PDGFD: variants seen among roughly 807,000 people sequenced by gnomAD.
PDGFD encodes the protein platelet-derived growth factor D.
PDGFD carries 30 observed loss-of-function variants against 44.7 expected under a neutral mutation model. That is an observed-to-expected ratio of 0.67 (90% CI 0.50 to 0.91). The LOEUF is 0.91. PDGFD is among the 40% of genes least tolerant of loss of function. PDGFD has a pLI of 0.00. For missense variants in PDGFD, 445 were observed against 457.8 expected (o/e 0.97, Z 0.25); for synonymous variants, 173 against 168.4 (o/e 1.03, Z -0.21).
chr11:103,949,585 C>A (rs1346372508), intron 3 of PDGFD, among the ~76,000 whole-genome samples: 1 of 152,188 alleles, frequency 6.6e-6, no homozygotes, highest in Non-Finnish European at 1.5e-5. Context: ...CCTCACATTA[C>A]AGAATTTTCA....
rs76058243 is a variant in PDGFD, at chr11:104,029,963, C to CTTT, written c.125-29709_125-29708insAAA. On this transcript the variant is annotated intron_variant, in intron 1 of 6. Transcript: ENST00000393158. ...GTCCAAAAAGCTCAAAAATCTTAAACGTTTTGAGCTCCAACATGATGACAC... is the reference window on the plus strand; with the variant it reads ...GTCCAAAAAGCTCAAAAATCTTAAACTTTGTTTTGAGCTCCAACATGATGACAC... Among the ~76,000 whole-genome samples, 56 of 152,216 alleles carry CTTT rather than the reference C, an allele frequency of 3.7e-4. No individual in the cohort carries two copies. The East Asian group carries it at 6.8e-3, about 18-fold the overall frequency.
At chr11:104,095,804 G>C (rs1861276816) in intron 1 of PDGFD, among the ~76,000 whole-genome samples, 1 of 152,096 alleles carries the variant, frequency 6.6e-6, no homozygotes, top group African/African-American at 2.4e-5. Context: ...CTCCAATCCT[G>C]AGAAGGATGC....
intron 1 of PDGFD, among the ~76,000 whole-genome samples, chr11:104,108,533 T>C (rs1861501507): frequency 6.6e-6 from 1 of 152,082 alleles, no homozygotes; most frequent in Non-Finnish European, 1.5e-5. Context: ...ATGGCAATCA[T>C]TAAAAAGTCA....
chr11:103,921,562 G>A (rs1308634441), intron 6 of PDGFD, among the ~76,000 whole-genome samples: 1 of 149,832 alleles, frequency 6.7e-6, no homozygotes, highest in East Asian at 2.0e-4. Context: ...AATATTTTAA[G>A]TTGAAAATGC....
intron 6 of PDGFD, 21 bp downstream of exon 6, chr11:103,926,891 A>G (rs1490316933): frequency 5.6e-6 from 9 of 1,603,078 alleles, no homozygotes; most frequent in South Asian, 1.1e-5. Flanking sequence ...CATTGCAACA[A>G]GAAATCTAAG....
intron 3 of PDGFD, among the ~76,000 whole-genome samples, chr11:103,950,416 T>TAA (rs1555036609): frequency 7.1e-6 from 1 of 140,252 alleles, no homozygotes; most frequent in Non-Finnish European, 1.5e-5. Flanking sequence ...AAAAAAAAAT[T>TAA]AGCCAGGTGT....
At chr11:104,070,198 TC>T (rs1462096158) in intron 1 of PDGFD, among the ~76,000 whole-genome samples, 1 of 152,184 alleles carries the variant, frequency 6.6e-6, no homozygotes, top group East Asian at 1.9e-4. Context: ...GGTCATTTTA[TC>T]AGAGAACGGT....
chr11:103,967,041 C>T (rs558858621), intron 3 of PDGFD, among the ~76,000 whole-genome samples: 3 of 152,292 alleles, frequency 2.0e-5, no homozygotes, highest in Admixed American at 6.5e-5. Context: ...TATTTTTAGT[C>T]TAATACTTTC....
chr11:104,041,535 A>T (rs1192458875), intron 1 of PDGFD, among the ~76,000 whole-genome samples: 1 of 152,112 alleles, frequency 6.6e-6, no homozygotes, highest in Non-Finnish European at 1.5e-5. Context: ...TTTCCTACTA[A>T]AAATGAGGAT....
chr11:104,034,619 A>G (rs1400465573), intron 1 of PDGFD, among the ~76,000 whole-genome samples: 1 of 151,672 alleles, frequency 6.6e-6, no homozygotes, highest in African/African-American at 2.4e-5. Context: ...AGCCAGGGAA[A>G]CATGAGCTCT....
At position 104,119,157 on chromosome 11, in the gene PDGFD, GATATAACATATAATATATTA is replaced by G. The variant is rs1565340575; in HGVS notation, c.124+44627_124+44646del. On this transcript the variant is annotated intron_variant, in intron 1 of 6. Coordinates refer to ENST00000393158, the MANE Select transcript of PDGFD (RefSeq NM_025208.5). ...ATATAATATATTAATATAATATATTGATATAACATATAATATATTAATATAATATATTGATATAATATATA... is the reference window on the plus strand; with the variant it reads ...ATATAATATATTAATATAATATATTGATATAATATATTGATATAATATATA... 1.1e-3 allele frequency among the ~76,000 whole-genome samples: 12 copies of G among 10,792 alleles called. 1 individual carries two copies. The highest frequency in any genetic ancestry group is 0.011 in the East Asian group (2 of 188). 7.1% of individuals were successfully genotyped at this position (10,792 alleles called of 152,430 possible). A position where few individuals can be genotyped will look rare whatever the true frequency, so the allele number is the denominator to read the frequency against.
intron 6 of PDGFD, among the ~76,000 whole-genome samples, chr11:103,912,699 G>C (rs374031712): frequency 6.6e-6 from 1 of 152,006 alleles, no homozygotes; most frequent in Non-Finnish European, 1.5e-5. Context: ...TGGATAAAGA[G>C]TCAAGACCCA....
intron 1 of PDGFD, among the ~76,000 whole-genome samples, chr11:104,075,481 G>T (rs1860943215): frequency 6.6e-6 from 1 of 151,100 alleles, no homozygotes; most frequent in Admixed American, 6.6e-5. Context: ...GCATAATTTT[G>T]CTAGTTTTTA....
At chr11:103,969,352 G>A (rs1859067360) in intron 3 of PDGFD, among the ~76,000 whole-genome samples, 1 of 151,956 alleles carries the variant, frequency 6.6e-6, no homozygotes, top group Non-Finnish European at 1.5e-5. Flanking sequence ...TGAAATGTTG[G>A]CTTAAGGGTT....
rs372824047 is a variant in PDGFD at position 104,118,847 on chromosome 11, T to A, written c.124+44957A>T. Among the ~76,000 whole-genome samples, 178 of 24,872 alleles carry A rather than the reference T, an allele frequency of 7.2e-3. 2 individuals are homozygous for A. The highest frequency in any genetic ancestry group is 0.029 in the East Asian group (29 of 990). 16.3% of individuals were successfully genotyped at this position (24,872 alleles called of 152,430 possible). ...TTATAAATATTAATATATAATATAT[T>A]ATATATTATAATATATTATATATTA... On this transcript the variant is annotated intron_variant, in intron 1 of 6. Coordinates refer to ENST00000393158, the MANE Select transcript of PDGFD (RefSeq NM_025208.5).
At chr11:103,979,824 A>C (rs1269957283) in intron 3 of PDGFD, among the ~76,000 whole-genome samples, 3 of 152,126 alleles carry the variant, frequency 2.0e-5, no homozygotes, top group African/African-American at 7.2e-5. Flanking sequence ...TAGCATATAT[A>C]CATTTTTTTG....
rs187241235 is a variant in PDGFD, at chr11:104,106,131, A to G, written c.124+57673T>C. Among the ~76,000 whole-genome samples, 303 of 152,280 alleles carry G rather than the reference A, an allele frequency of 2.0e-3. 1 individual carries two copies. Among genetic ancestry groups the G allele is most frequent in the Middle Eastern group, 6.8e-3 (2 of 294 alleles). ...TCTGAACTGAGGAGCAGAGTAAATC[A>G]TTGGTAGATGACTTAAAAGAATTCT... On this transcript the variant is annotated intron_variant, in intron 1 of 6. Coordinates refer to ENST00000393158, the MANE Select transcript of PDGFD (RefSeq NM_025208.5).
At chr11:103,932,922 A>G (rs1858428223) in intron 5 of PDGFD, among the ~76,000 whole-genome samples, 1 of 152,158 alleles carries the variant, frequency 6.6e-6, no homozygotes. Flanking sequence ...CGAAAGTGTT[A>G]GGTTAGAATT....
intron 3 of PDGFD, among the ~76,000 whole-genome samples, chr11:103,962,036 G>C (rs1858945456): frequency 6.6e-6 from 1 of 152,030 alleles, no homozygotes; most frequent in Non-Finnish European, 1.5e-5. Flanking sequence ...GTAACATAAT[G>C]GGGTTCCTAG....
Sources: allele counts gnomAD v4.1 joint callset (sites outside exome capture counted in the v4.1 genomes callset), GRCh38; gene constraint gnomAD v4.1.1; transcripts MANE v1.5; gene names NCBI Gene and HGNC (gene_info 2026-07-23, HGNC 2026-07-21).